Variants in THADA observed in about 807,000 individuals in gnomAD.
THADA encodes the protein THADA armadillo repeat containing, also known as tRNA (32-2'-O)-methyltransferase regulator THADA.
In THADA, 213 loss-of-function variants were observed where a neutral mutation model predicts 219.8. That is an observed-to-expected ratio of 0.97 (90% CI 0.87 to 1.09). THADA has a LOEUF of 1.09. Among genes scored for constraint, THADA ranks in the 50% least tolerant of loss-of-function variants. The probability of loss-of-function intolerance (pLI) is 0.00; values close to 1 mark genes in which losing one functional copy is unlikely to be tolerated. For synonymous variants in THADA, 1,018 were observed against 828.9 expected, an observed-to-expected ratio of 1.23 and a Z score of -3.92; for missense variants, 2,956 against 2,311.3, an observed-to-expected ratio of 1.28 and a Z score of -5.72.
At chr2:43,534,379 T>C (rs1351423594) in intron 21 of THADA, among the ~76,000 whole-genome samples, 8 of 152,160 alleles carry the variant, frequency 5.3e-5, no homozygotes, top group Admixed American at 2.0e-4. Flanking sequence ...ATATATATTA[T>C]TGCAAACTAT....
At chr2:43,409,870 A>T (rs760954895) in intron 28 of THADA, among the ~76,000 whole-genome samples, 8 of 152,082 alleles carry the variant, frequency 5.3e-5, no homozygotes, top group Admixed American at 2.6e-4. Flanking sequence ...TAAAAAAAAT[A>T]GCCAGGCATG....
intron 8 of THADA, 121 bp from the exon 9 acceptor site, chr2:43,578,728 G>A (rs1044651479): frequency 5.7e-5 from 30 of 524,056 alleles, no homozygotes; most frequent in Non-Finnish European, 9.8e-5. Context: ...CCACTTCCTG[G>A]GTGAATAGGT....
At chr2:43,495,334 G>A (rs1000347983) in intron 25 of THADA, among the ~76,000 whole-genome samples, 3 of 151,926 alleles carry the variant, frequency 2.0e-5, no homozygotes, top group African/African-American at 4.8e-5. Context: ...TTCATAAAGT[G>A]TTAAAAAGGA....
At chr2:43,581,392 G>A (rs1021928896) in intron 8 of THADA, among the ~76,000 whole-genome samples, 28 of 152,044 alleles carry the variant, frequency 1.8e-4, no homozygotes, top group African/African-American at 5.1e-4. Context: ...TTAGTCAGGT[G>A]TGGTGGTACC....
At chr2:43,501,875 T>C (rs1573963960) in intron 24 of THADA, among the ~76,000 whole-genome samples, 1 of 150,694 alleles carries the variant, frequency 6.6e-6, no homozygotes, top group Non-Finnish European at 1.5e-5. Flanking sequence ...ACCCAGGTGG[T>C]GAAGGTTGCA....
At chr2:43,538,205 A>G (rs1694851762) in intron 21 of THADA, among the ~76,000 whole-genome samples, 2 of 152,174 alleles carry the variant, frequency 1.3e-5, no homozygotes, top group African/African-American at 2.4e-5. Flanking sequence ...GAACCAACAA[A>G]ATATAACAAG....
At chr2:43,458,305 A>T (rs1211215236) in intron 26 of THADA, among the ~76,000 whole-genome samples, 1 of 152,172 alleles carries the variant, frequency 6.6e-6, no homozygotes, top group East Asian at 1.9e-4. Context: ...CTTCCCTGAA[A>T]TGTGAGCAAA....
At chr2:43,495,415 G>A (rs1688139299) in intron 25 of THADA, among the ~76,000 whole-genome samples, 2 of 151,994 alleles carry the variant, frequency 1.3e-5, no homozygotes, top group South Asian at 4.1e-4. Flanking sequence ...ATATATTTAT[G>A]CAGCCTTTTG....
At chr2:43,470,381 T>C (rs1684771162) in intron 26 of THADA, among the ~76,000 whole-genome samples, 1 of 151,982 alleles carries the variant, frequency 6.6e-6, no homozygotes, top group South Asian at 2.1e-4. Context: ...CACCATACCA[T>C]TACTAATAAT....
At position 43,576,919 on chromosome 2, in the gene THADA, G is replaced by A. The variant is rs747645518; in HGVS notation, c.1037+103C>T. 1.3e-4 allele frequency: 128 copies of A among 984,698 alleles called. No individual in the cohort carries two copies. In the African/African-American group the frequency reaches 1.8e-3, roughly 14 times the overall value. The allele number at this position is 984,698 out of a possible 1,614,324, so 61.0% of individuals were successfully genotyped here. A position where few individuals can be genotyped will look rare whatever the true frequency, so the allele number is the denominator to read the frequency against. On this transcript the variant is annotated intron_variant, in intron 10 of 37. Transcript: ENST00000405975. ...ATCCTCTTGCCTCAGCCTACTGGGA[G>A]GGTAGCTGGGATTAGAGGCACAAGC...
chr2:43,501,338 A>AAAG (rs1688950135), intron 24 of THADA, among the ~76,000 whole-genome samples: 1 of 134,748 alleles, frequency 7.4e-6, no homozygotes, highest in Non-Finnish European at 1.5e-5. Flanking sequence ...AAAAAAAAAA[A>AAAG]AGAGAGACTT....
chr2:43,473,840 C>A (rs1685206223), intron 26 of THADA, among the ~76,000 whole-genome samples: 1 of 152,160 alleles, frequency 6.6e-6, no homozygotes, highest in Non-Finnish European at 1.5e-5. Context: ...GACTCCTGAC[C>A]TCAGGTGATC....
chr2:43,357,655 A>G (rs1488553615), intron 29 of THADA, among the ~76,000 whole-genome samples: 1 of 152,230 alleles, frequency 6.6e-6, no homozygotes, highest in African/African-American at 2.4e-5. Context: ...AGTAAGGGAT[A>G]GTCCTACATA....
At chr2:43,309,979 G>A (rs1246812646) in intron 31 of THADA, among the ~76,000 whole-genome samples, 1 of 152,206 alleles carries the variant, frequency 6.6e-6, no homozygotes, top group South Asian at 2.1e-4. Context: ...GCATCAAAAA[G>A]AATAGGAACA....
intron 15 of THADA, chr2:43,566,458 C>T (rs1167806803): frequency 1.1e-5 from 8 of 717,236 alleles, no homozygotes; most frequent in East Asian, 5.4e-5. Flanking sequence ...CCATAATAAG[C>T]ATAATCCATG....
intron 36 of THADA, among the ~76,000 whole-genome samples, chr2:43,251,530 C>T (rs973985624): frequency 6.6e-6 from 1 of 152,220 alleles, no homozygotes; most frequent in Non-Finnish European, 1.5e-5. Flanking sequence ...TGGTCTGCTT[C>T]CTGTCTCTGT....
Position 43,293,048 on chromosome 2 carries a change from C to G in THADA, c.4604G>C (p.Gly1535Ala), listed in dbSNP as rs375003194. The G allele has an allele frequency of 6.7e-5, 108 of 1,613,958 alleles. No individual in the cohort carries two copies. Among genetic ancestry groups the G allele is most frequent in the East Asian group, 6.0e-4 (27 of 44,872 alleles). Residue 1535 changes from glycine (G) to alanine (A), a missense_variant, in exon 32 of 38, where the codon GGA (glycine) becomes GCA (alanine). By Grantham distance (60) the Gly-to-Ala change is moderately conservative. Coordinates refer to ENST00000405975, the MANE Select transcript of THADA (RefSeq NM_022065.5). The stretch of plus-strand genomic sequence containing the variant: ...GATGGGGACATTCGTCTCCCGCTCT[C>G]CACTCTTGGCTGCCGCGGCCCACAC... ...AAVWAAAAKS[G>A]ERETNVPISF...
chr2:43,325,778 C>T (rs1156461321), intron 30 of THADA, among the ~76,000 whole-genome samples: 1 of 152,140 alleles, frequency 6.6e-6, no homozygotes, highest in East Asian at 1.9e-4. Flanking sequence ...CCATTAAGTC[C>T]TTGCTAAGAA....
At chr2:43,314,678 A>G (rs1034658085) in intron 31 of THADA, among the ~76,000 whole-genome samples, 3 of 152,338 alleles carry the variant, frequency 2.0e-5, no homozygotes, top group South Asian at 4.1e-4. Flanking sequence ...CAGCCCTCTG[A>G]GTCCTTGTGG....
Sources: allele counts gnomAD v4.1 joint callset (sites outside exome capture counted in the v4.1 genomes callset), GRCh38; gene constraint gnomAD v4.1.1; transcripts MANE v1.5; gene names NCBI Gene and HGNC (gene_info 2026-07-23, HGNC 2026-07-21).